SRPK2: variants seen among roughly 807,000 people sequenced by gnomAD.
SRPK2 encodes SFRS protein kinase 2.
A neutral mutation model predicts 90.8 loss-of-function variants in SRPK2; 21 were observed. That is an observed-to-expected ratio of 0.23 (90% CI 0.16 to 0.33). The LOEUF is 0.33. Among genes scored for constraint, SRPK2 ranks in the 10% least tolerant of loss-of-function variants. SRPK2 has a pLI of 1.00. For synonymous variants in SRPK2, 288 were observed against 311.1 expected (o/e 0.93, Z 0.78); for missense variants, 620 against 869.0 (o/e 0.71, Z 3.60).
intron 2 of SRPK2, among the ~76,000 whole-genome samples, chr7:105,315,074 C>T (rs1199595945): frequency 2.0e-5 from 3 of 152,060 alleles, no homozygotes; most frequent in East Asian, 1.9e-4. Flanking sequence ...CACAGGAGTT[C>T]GAGACCAGCC....
At chr7:105,258,925 A>G (rs550943124) in intron 2 of SRPK2, among the ~76,000 whole-genome samples, 8 of 152,340 alleles carry the variant, frequency 5.3e-5, no homozygotes, top group East Asian at 3.9e-4. Flanking sequence ...CCCACAGCCA[A>G]TATCATACTG....
chr7:105,397,208 T>C (rs1388927579), intron 1 of SRPK2, among the ~76,000 whole-genome samples: 1 of 151,810 alleles, frequency 6.6e-6, no homozygotes, highest in African/African-American at 2.4e-5. Flanking sequence ...AATAGAGACG[T>C]GGTTTCACCA....
intron 15 of SRPK2, among the ~76,000 whole-genome samples, chr7:105,121,789 A>G (rs1800419845): frequency 6.6e-6 from 1 of 152,226 alleles, no homozygotes; most frequent in African/African-American, 2.4e-5. Flanking sequence ...GGGAAGTTCT[A>G]TTATACTTCT....
At position 105,374,010 on chromosome 7, in the gene SRPK2, G is replaced by A. The variant is rs548113495; in HGVS notation, c.71+14638C>T. On this transcript the variant is annotated intron_variant, in intron 2 of 15. Coordinates refer to ENST00000393651, the MANE Select transcript of SRPK2 (RefSeq NM_182692.3). ...TGGCATGATCTTGGCTCCCTGCAAC[G>A]TCTACCTCTTGTGTTCAATTGATTC... 2.0e-4 allele frequency among the ~76,000 whole-genome samples: 31 copies of A among 152,186 alleles called. 1 individual carries two copies. Among genetic ancestry groups the A allele is most frequent in the African/African-American group, 4.1e-4 (17 of 41,520 alleles).
At chr7:105,285,949 AGTTACAAT>A (rs1808046290) in intron 2 of SRPK2, among the ~76,000 whole-genome samples, 1 of 152,232 alleles carries the variant, frequency 6.6e-6, no homozygotes, top group African/African-American at 2.4e-5. Flanking sequence ...ATTTTACACC[AGTTACAAT>A]GTATCAGACA....
intron 3 of SRPK2, among the ~76,000 whole-genome samples, chr7:105,170,863 GA>G (rs1563025281): frequency 1.3e-5 from 1 of 78,384 alleles, no homozygotes; most frequent in Non-Finnish European, 2.7e-5. Context: ...AAGAAAGAAA[GA>G]AAGAAAGAAA....
intron 2 of SRPK2, among the ~76,000 whole-genome samples, chr7:105,258,736 A>C (rs1481710829): frequency 6.6e-6 from 1 of 152,196 alleles, no homozygotes; most frequent in Non-Finnish European, 1.5e-5. Context: ...CAACATACAC[A>C]AATCAACAAA....
chr7:105,159,057 C>T (rs893423647), intron 7 of SRPK2, among the ~76,000 whole-genome samples: 1 of 151,934 alleles, frequency 6.6e-6, no homozygotes, highest in Non-Finnish European at 1.5e-5. Context: ...TAAATCTAGG[C>T]CCACATGTAT....
chr7:105,366,378 T>TTC (rs1376391550), intron 2 of SRPK2, among the ~76,000 whole-genome samples: 38 of 150,638 alleles, frequency 2.5e-4, no homozygotes, highest in African/African-American at 6.1e-4. Flanking sequence ...TTTTTTTTTT[T>TTC]TTTCTTTTTG....
intron 2 of SRPK2, among the ~76,000 whole-genome samples, chr7:105,305,686 G>T (rs1811069404): frequency 6.6e-6 from 1 of 152,158 alleles, no homozygotes; most frequent in Non-Finnish European, 1.5e-5. Flanking sequence ...TAGATTCAGT[G>T]GCTGGGGTCC....
intron 2 of SRPK2, chr7:105,297,432 T>C (rs949403737): frequency 1.1e-5 from 11 of 983,752 alleles, no homozygotes; most frequent in African/African-American, 1.7e-5. Flanking sequence ...TTATTGAACA[T>C]TTGCATATTT....
intron 6 of SRPK2, among the ~76,000 whole-genome samples, chr7:105,164,313 A>G (rs1808185937): frequency 6.6e-6 from 1 of 152,224 alleles, no homozygotes; most frequent in Admixed American, 6.5e-5. Flanking sequence ...ATACCTCAGA[A>G]AACTTCACCA....
At position 105,175,139 on chromosome 7, in the gene SRPK2, CAA is replaced by C. The variant is rs377120080; in HGVS notation, c.230-5876_230-5875del. Among the ~76,000 whole-genome samples, 468 of 115,870 alleles carry C rather than the reference CAA, an allele frequency of 4.0e-3. 14 individuals carry two copies. The East Asian group carries it at 0.074, about 18-fold the overall frequency. 76.0% of individuals were successfully genotyped at this position (115,870 alleles called of 152,430 possible). On this transcript the variant is annotated intron_variant, in intron 3 of 15. Transcript: ENST00000393651. The stretch of plus-strand genomic sequence containing the variant: ...TGGGCCACAGAGTTAAACTCCGTTT[CAA>C]AAAAAAAAAAAGAAAGAAAGAAGAG...
At chr7:105,386,756 A>C (rs1821663819) in intron 2 of SRPK2, among the ~76,000 whole-genome samples, 1 of 152,202 alleles carries the variant, frequency 6.6e-6, no homozygotes, top group Admixed American at 6.5e-5. Flanking sequence ...TGATTCAAAG[A>C]GTTAAGTGAA....
chr7:105,341,377 AAAAAG>A (rs1352228850), intron 2 of SRPK2, among the ~76,000 whole-genome samples: 20 of 50,754 alleles, frequency 3.9e-4, no homozygotes, highest in African/African-American at 8.9e-4. Flanking sequence ...AAAAAAAAAA[AAAAAG>A]GGGGAATGTG....
At chr7:105,268,536 C>T (rs1805401092) in intron 2 of SRPK2, among the ~76,000 whole-genome samples, 1 of 152,146 alleles carries the variant, frequency 6.6e-6, no homozygotes, top group Non-Finnish European at 1.5e-5. Flanking sequence ...TTTTTAAAGC[C>T]TTCAACAGCT....
intron 1 of SRPK2, among the ~76,000 whole-genome samples, chr7:105,395,679 G>A (rs1342669918): frequency 2.6e-5 from 4 of 152,026 alleles, no homozygotes; most frequent in Admixed American, 6.6e-5. Context: ...GCAGTGAGCC[G>A]AGATTGCACC....
chr7:105,248,443 A>C (rs1160129297), intron 2 of SRPK2, among the ~76,000 whole-genome samples: 2 of 150,740 alleles, frequency 1.3e-5, no homozygotes, highest in Admixed American at 6.6e-5. Context: ...ATTTAAAAAA[A>C]AAAAAAAAAA....
At chr7:105,166,694 G>GGAGTATAGAAAATGCA (rs1388210574) in intron 6 of SRPK2, among the ~76,000 whole-genome samples, 3 of 152,128 alleles carry the variant, frequency 2.0e-5, no homozygotes, top group Non-Finnish European at 4.4e-5. Context: ...GATTTATCAA[G>GGAGTATAGAAAATGCA]GAGTATAGAA....
Sources: allele counts gnomAD v4.1 joint callset (sites outside exome capture counted in the v4.1 genomes callset), GRCh38; gene constraint gnomAD v4.1.1; transcripts MANE v1.5; gene names NCBI Gene and HGNC (gene_info 2026-07-23, HGNC 2026-07-21).